The following CLNK variants were observed in gnomAD, a reference collection of about 807,000 sequenced individuals.
CLNK encodes the protein cytokine-dependent hematopoietic cell linker.
Under a neutral mutation model 68.6 loss-of-function variants are expected in CLNK, and 74 were observed. That is an observed-to-expected ratio of 1.08 (90% CI 0.89 to 1.31). The LOEUF (loss-of-function observed/expected upper bound fraction) is 1.31. Ranked by LOEUF, CLNK falls within the 50% of genes most tolerant of loss-of-function variation. The pLI is 0.00. For synonymous variants in CLNK, 198 were observed against 172.2 expected (o/e 1.15, Z -1.17); for missense variants, 553 against 515.3 (o/e 1.07, Z -0.71).
intron 2 of CLNK, 126 bp downstream of exon 2, chr4:10,667,733 T>TGGGG: frequency 6.4e-6 from 2 of 311,860 alleles, no homozygotes; most frequent in Non-Finnish European, 9.8e-6. Flanking sequence ...AACCATGGCC[T>TGGGG]CTCAGGAAAT....
At position 10,490,438 on chromosome 4, in the gene CLNK, A is replaced by G; in HGVS notation, c.*29T>C. On this transcript the variant is annotated 3_prime_UTR_variant, in exon 19 of 19. Coordinates refer to ENST00000226951, the MANE Select transcript of CLNK (RefSeq NM_052964.4). ...TGAAAACAATGGAAGCGCTGAATCC[A>G]GTAAACCAAAGATAACACAAAGACC... The G allele has an allele frequency of 1.2e-6, 2 of 1,606,592 alleles. No individual in the cohort carries two copies. The highest frequency in any genetic ancestry group is 1.7e-6 in the Non-Finnish European group (2 of 1,177,404).
intron 2 of CLNK, among the ~76,000 whole-genome samples, chr4:10,637,438 GTTT>G (rs11396379): frequency 8.1e-6 from 1 of 124,160 alleles, no homozygotes; most frequent in Non-Finnish European, 1.6e-5. Context: ...AATAAAAAAA[GTTT>G]TTTTTTTTTT....
At chr4:10,618,397 A>C (rs1454058193) in intron 2 of CLNK, among the ~76,000 whole-genome samples, 1 of 152,218 alleles carries the variant, frequency 6.6e-6, no homozygotes, top group East Asian at 1.9e-4. Context: ...ATAAATGGGT[A>C]TAAGAAATCT....
At chr4:10,550,064 T>C (rs191070073) in intron 8 of CLNK, among the ~76,000 whole-genome samples, 1 of 152,158 alleles carries the variant, frequency 6.6e-6, no homozygotes, top group Non-Finnish European at 1.5e-5. Flanking sequence ...TCTGGGAGGG[T>C]TAAAGTAAGA....
intron 2 of CLNK, among the ~76,000 whole-genome samples, chr4:10,663,592 G>A (rs547581802): frequency 5.9e-5 from 9 of 152,242 alleles, no homozygotes; most frequent in African/African-American, 1.4e-4. Context: ...TGTATTGTAT[G>A]TCTGCATACA....
chr4:10,566,003 C>T lies in CLNK; in HGVS notation c.292+6G>A, dbSNP rs771274258. The stretch of plus-strand genomic sequence containing the variant: ...TTCTTATTTCAGGCAGACCCCCAAA[C>T]GTTACCTGCATATTCAGATTCCTTT... On this transcript the variant is annotated splice_donor_region_variant and intron_variant, in intron 6 of 18. Transcript: ENST00000226951. 34 of 1,613,022 alleles carry T rather than the reference C, an allele frequency of 2.1e-5. No individual in the cohort carries two copies. The Middle Eastern group carries it at 4.9e-4, about 23-fold the overall frequency.
intron 6 of CLNK, among the ~76,000 whole-genome samples, chr4:10,565,293 G>A (rs1192526725): frequency 6.6e-6 from 1 of 152,192 alleles, no homozygotes; most frequent in East Asian, 1.9e-4. Flanking sequence ...CTGAATGAAT[G>A]AACAAGAAAA....
chr4:10,523,528 AGAT>A (rs1718168862), intron 14 of CLNK, among the ~76,000 whole-genome samples: 1 of 152,234 alleles, frequency 6.6e-6, no homozygotes, highest in South Asian at 2.1e-4. Flanking sequence ...AAAAAGTCCA[AGAT>A]GAGGAATTAG....
At chr4:10,679,613 T>C (rs1378351064) in intron 1 of CLNK, among the ~76,000 whole-genome samples, 1 of 151,960 alleles carries the variant, frequency 6.6e-6, no homozygotes, top group Non-Finnish European at 1.5e-5. Context: ...TGCAATCTAC[T>C]CATCTGACAA....
chr4:10,516,632 A>C (rs533852056), intron 15 of CLNK, among the ~76,000 whole-genome samples: 1 of 151,170 alleles, frequency 6.6e-6, no homozygotes, highest in East Asian at 1.9e-4. Context: ...GGCTCACTGC[A>C]ACGTCTGCCT....
intron 2 of CLNK, among the ~76,000 whole-genome samples, chr4:10,661,315 T>C (rs946533943): frequency 6.6e-6 from 1 of 152,204 alleles, no homozygotes; most frequent in East Asian, 1.9e-4. Flanking sequence ...ACCTAGGAAC[T>C]GAATACATTT....
intron 17 of CLNK, among the ~76,000 whole-genome samples, chr4:10,502,255 C>T (rs561346982): frequency 1.3e-5 from 2 of 152,254 alleles, no homozygotes; most frequent in East Asian, 1.9e-4. Context: ...TATAATCAGG[C>T]GGAAGGCGAA....
intron 2 of CLNK, among the ~76,000 whole-genome samples, chr4:10,647,284 C>T (rs186862901): frequency 1.3e-5 from 2 of 152,252 alleles, no homozygotes; most frequent in Admixed American, 6.5e-5. Context: ...TTAGTACCTG[C>T]TATCACAGAA....
At chr4:10,606,682 T>C (rs1034912002) in intron 2 of CLNK, among the ~76,000 whole-genome samples, 18 of 152,304 alleles carry the variant, frequency 1.2e-4, no homozygotes, top group African/African-American at 4.1e-4. Context: ...TGATAGGAAG[T>C]TTGCAGCTCC....
the CLNK span, among the ~76,000 whole-genome samples, chr4:10,699,513 T>TATATATATATATATATATA: frequency 3.2e-5 from 2 of 62,062 alleles, no homozygotes; most frequent in African/African-American, 1.6e-4. Flanking sequence ...TATATATATA[T>TATATATATATATATATATA]TTTTTTTTTT....
chr4:10,556,740 C>A (rs1719686725), intron 8 of CLNK, among the ~76,000 whole-genome samples: 1 of 152,110 alleles, frequency 6.6e-6, no homozygotes, highest in Non-Finnish European at 1.5e-5. Flanking sequence ...AAAATACTTT[C>A]TCTACATAAT....
At chr4:10,554,107 A>T (rs529306614) in intron 8 of CLNK, among the ~76,000 whole-genome samples, 1 of 152,344 alleles carries the variant, frequency 6.6e-6, no homozygotes, top group South Asian at 2.1e-4. Flanking sequence ...GCAGGTATAG[A>T]GGCCGCTAGT....
chr4:10,567,799 AC>A (rs1189966969), intron 5 of CLNK, among the ~76,000 whole-genome samples: 1 of 152,226 alleles, frequency 6.6e-6, no homozygotes, highest in Admixed American at 6.5e-5. Flanking sequence ...AGATATGCAA[AC>A]CATCAATAAT....
chr4:10,624,206 C>T (rs1413423676), intron 2 of CLNK, among the ~76,000 whole-genome samples: 1 of 152,216 alleles, frequency 6.6e-6, no homozygotes, highest in Non-Finnish European at 1.5e-5. Context: ...GCTGAACCCT[C>T]ACCTCAAACC....
Sources: allele counts gnomAD v4.1 joint callset (sites outside exome capture counted in the v4.1 genomes callset), GRCh38; gene constraint gnomAD v4.1.1; transcripts MANE v1.5; gene names NCBI Gene and HGNC (gene_info 2026-07-23, HGNC 2026-07-21).